Variants in STXBP5L observed in about 807,000 individuals in gnomAD.
The protein encoded by STXBP5L is syntaxin binding protein 5L.
A neutral mutation model predicts 144.5 loss-of-function variants in STXBP5L; 65 were observed. That is an observed-to-expected ratio of 0.45 (90% CI 0.37 to 0.55). The LOEUF is 0.55. STXBP5L is among the 20% of genes least tolerant of loss of function. The pLI is 0.00. For missense variants in STXBP5L, 1,298 were observed against 1,405.5 expected, an observed-to-expected ratio of 0.92 and a Z score of 1.22; for synonymous variants, 505 against 469.6, an observed-to-expected ratio of 1.08 and a Z score of -0.97.
intron 6 of STXBP5L, among the ~76,000 whole-genome samples, chr3:121,120,343 G>A (rs2044403602): frequency 6.6e-6 from 1 of 151,174 alleles, no homozygotes; most frequent in Non-Finnish European, 1.5e-5. Context: ...ACATATAAAT[G>A]TGGAAAAAAT....
intron 7 of STXBP5L, among the ~76,000 whole-genome samples, chr3:121,141,474 G>A (rs1577051661): frequency 6.6e-6 from 1 of 152,128 alleles, no homozygotes; most frequent in Admixed American, 6.6e-5. Context: ...TGTAGTGTGA[G>A]ATGATGATGG....
intron 3 of STXBP5L, among the ~76,000 whole-genome samples, chr3:120,956,804 C>T (rs1203527851): frequency 6.6e-6 from 1 of 151,788 alleles, no homozygotes; most frequent in Non-Finnish European, 1.5e-5. Context: ...AGTAATTGCC[C>T]TTTGATGCAA....
intron 7 of STXBP5L, among the ~76,000 whole-genome samples, chr3:121,130,066 T>C (rs1176125418): frequency 6.6e-6 from 1 of 152,148 alleles, no homozygotes; most frequent in Non-Finnish European, 1.5e-5. Context: ...CACCCAAAAG[T>C]CTGCCAGTTT....
intron 9 of STXBP5L, among the ~76,000 whole-genome samples, chr3:121,165,033 C>T (rs2046451244): frequency 6.6e-6 from 1 of 151,876 alleles, no homozygotes; most frequent in Admixed American, 6.6e-5. Flanking sequence ...CTGTTTTTGC[C>T]ACCAAAAAAA....
intron 3 of STXBP5L, among the ~76,000 whole-genome samples, chr3:120,980,830 A>G (rs778385862): frequency 3.3e-5 from 5 of 152,130 alleles, no homozygotes; most frequent in African/African-American, 1.2e-4. Context: ...CTGTGTTTTT[A>G]TGATGGCATT....
chr3:121,320,568 C>G (rs2043936537), intron 20 of STXBP5L, among the ~76,000 whole-genome samples: 1 of 152,002 alleles, frequency 6.6e-6, no homozygotes, highest in Non-Finnish European at 1.5e-5. Context: ...CTTTCAATAA[C>G]TCATAATTAA....
intron 7 of STXBP5L, among the ~76,000 whole-genome samples, chr3:121,136,792 G>A (rs185427102): frequency 7.6e-4 from 115 of 152,226 alleles, no homozygotes; most frequent in East Asian, 1.2e-3. Context: ...TGTTCATTGC[G>A]GTACTATTCA....
At chr3:120,952,630 A>G (rs1319092879) in intron 2 of STXBP5L, among the ~76,000 whole-genome samples, 3 of 152,078 alleles carry the variant, frequency 2.0e-5, no homozygotes, top group Non-Finnish European at 2.9e-5. Flanking sequence ...CTTCATAAAA[A>G]CACTTTGAAG....
rs71133526 is a variant in STXBP5L at position 121,297,202 on chromosome 3, A to ATGTGTGTGTG, written c.2110+17275_2110+17284dup. 3.3e-3 allele frequency among the ~76,000 whole-genome samples: 484 copies of ATGTGTGTGTG among 148,340 alleles called. 2 individuals carry two copies. Among genetic ancestry groups the ATGTGTGTGTG allele is most frequent in the Non-Finnish European group, 4.5e-3 (303 of 67,200 alleles). ...CAGAATCTGAATGATTCTACATTAT[A>ATGTGTGTGTG]TGTGTGTGTGTGTGTGTGTGTGTGT... is the stretch of plus-strand genomic sequence containing the variant. On this transcript the variant is annotated intron_variant, in intron 19 of 26. Transcript: ENST00000471454.
intron 20 of STXBP5L, among the ~76,000 whole-genome samples, chr3:121,358,284 G>T (rs2045594340): frequency 1.7e-5 from 1 of 57,460 alleles, no homozygotes; most frequent in African/African-American, 9.0e-5. Flanking sequence ...TCACCCTCTG[G>T]TAATTTTCGT....
chr3:121,255,512 C>T (rs1235396948), intron 16 of STXBP5L, among the ~76,000 whole-genome samples: 1 of 151,638 alleles, frequency 6.6e-6, no homozygotes, highest in Non-Finnish European at 1.5e-5. Context: ...CCTATATATT[C>T]TTCTATATAT....
At chr3:120,955,433 G>A (rs1019775420) in intron 3 of STXBP5L, among the ~76,000 whole-genome samples, 3 of 151,710 alleles carry the variant, frequency 2.0e-5, no homozygotes, top group Non-Finnish European at 4.4e-5. Context: ...TGCTTACCTG[G>A]GGTTTAATTT....
At chr3:121,184,949 C>T (rs1448670136) in intron 9 of STXBP5L, among the ~76,000 whole-genome samples, 3 of 152,176 alleles carry the variant, frequency 2.0e-5, no homozygotes, top group Admixed American at 1.3e-4. Flanking sequence ...CCCAGAATTT[C>T]ATATCCAGCC....
intron 5 of STXBP5L, among the ~76,000 whole-genome samples, chr3:121,082,451 A>G (rs2042295002): frequency 6.6e-6 from 1 of 152,200 alleles, no homozygotes; most frequent in Non-Finnish European, 1.5e-5. Context: ...GTGTCCTGCA[A>G]CTTTGCTGAA....
chr3:121,269,490 T>G (rs2050674186), intron 18 of STXBP5L, among the ~76,000 whole-genome samples: 1 of 151,912 alleles, frequency 6.6e-6, no homozygotes, highest in South Asian at 2.1e-4. Context: ...ACAAAGATAG[T>G]TTATTAGTGA....
chr3:121,105,625 C>A (rs910598751), intron 5 of STXBP5L, among the ~76,000 whole-genome samples: 1 of 151,958 alleles, frequency 6.6e-6, no homozygotes, highest in Non-Finnish European at 1.5e-5. Flanking sequence ...ACTACTACAA[C>A]CACTCTGGTA....
At chr3:121,258,972 G>A (rs376208534) in intron 17 of STXBP5L, 71 bp from the exon 18 acceptor site, 1 of 1,404,738 alleles carries the variant, frequency 7.1e-7, no homozygotes, top group Non-Finnish European at 9.4e-7. Context: ...ATGATTCTAT[G>A]TAAATTCTCA....
At chr3:121,160,884 G>C (rs1388434353) in intron 9 of STXBP5L, among the ~76,000 whole-genome samples, 1 of 151,842 alleles carries the variant, frequency 6.6e-6, no homozygotes, top group Non-Finnish European at 1.5e-5. Context: ...TTGCTCCAGG[G>C]ATTACAATAT....
chr3:120,975,869 C>G (rs556715696), intron 3 of STXBP5L, among the ~76,000 whole-genome samples: 1 of 152,058 alleles, frequency 6.6e-6, no homozygotes, highest in Non-Finnish European at 1.5e-5. Context: ...TATATTGAAC[C>G]AGCCTTGCAT....
Sources: allele counts gnomAD v4.1 joint callset (sites outside exome capture counted in the v4.1 genomes callset), GRCh38; gene constraint gnomAD v4.1.1; transcripts MANE v1.5; gene names NCBI Gene and HGNC (gene_info 2026-07-23, HGNC 2026-07-21).